The following FAM107B variants were observed in gnomAD, a reference collection of about 807,000 sequenced individuals.
The protein encoded by FAM107B is family with sequence similarity 107 member B, also known as protein FAM107B.
A neutral mutation model predicts 31.5 loss-of-function variants in FAM107B; 21 were observed. That is an observed-to-expected ratio of 0.67 (90% CI 0.47 to 0.96). FAM107B has a LOEUF of 0.96. FAM107B is among the 40% of genes least tolerant of loss of function. FAM107B has a pLI of 0.00. For synonymous variants in FAM107B, 157 were observed against 141.5 expected (o/e 1.11, Z -0.78); for missense variants, 452 against 377.1 (o/e 1.20, Z -1.64).
intron 1 of FAM107B, among the ~76,000 whole-genome samples, chr10:14,668,245 A>G (rs1314376629): frequency 2.0e-5 from 3 of 151,938 alleles, no homozygotes; most frequent in African/African-American, 7.3e-5. Context: ...GGGTTTCACC[A>G]TGTTGGCCAG....
chr10:14,736,442 CTGTT>C (rs771223173), intron 1 of FAM107B, among the ~76,000 whole-genome samples: 21 of 152,228 alleles, frequency 1.4e-4, no homozygotes, highest in Admixed American at 2.6e-4. Flanking sequence ...ACAAGCCAAA[CTGTT>C]TGGGATGGCT....
chr10:14,582,619 T>C (rs1014258761), intron 2 of FAM107B, among the ~76,000 whole-genome samples: 7 of 152,068 alleles, frequency 4.6e-5, no homozygotes, highest in South Asian at 4.2e-4. Context: ...CCTTGTGATC[T>C]GCCCCCCTCG....
At chr10:14,584,518 G>C (rs1022993127) in intron 2 of FAM107B, among the ~76,000 whole-genome samples, 3 of 152,208 alleles carry the variant, frequency 2.0e-5, no homozygotes, top group African/African-American at 7.2e-5. Flanking sequence ...AAATAAAATA[G>C]TTGGTGCAGA....
rs1233241042 is a variant in FAM107B at position 14,521,964 on chromosome 10, G to C, written c.709C>G (p.Arg237Gly). ...ELQKVMEKRKRDQVIKQKEEE... is the reference protein window; with the variant it reads ...ELQKVMEKRKGDQVIKQKEEE... Reference sequence around the variant, plus strand: ...TCCTTCTGCTTTATTACTTGGTCTCGTTTTCTTTTTTCCATCACCTTCTGC... The same window carrying C: ...TCCTTCTGCTTTATTACTTGGTCTCCTTTTCTTTTTTCCATCACCTTCTGC... The change falls in exon 4 of 5, where the codon CGA (arginine) becomes GGA (glycine). Residue 237 changes from arginine to glycine, a missense_variant. Physicochemically the swap from Arg to Gly is moderately radical, Grantham distance 125 (BLOSUM62 -2). Transcript: ENST00000181796. The C allele has an allele frequency of 6.2e-7, 1 of 1,613,910 alleles. No homozygotes were observed. Among genetic ancestry groups the C allele is most frequent in the Non-Finnish European group, 8.5e-7 (1 of 1,179,980 alleles).
In FAM107B at chr10:14,600,914, C is replaced by T. The variant is rs186675619; in HGVS notation, c.469+66720G>A. 6.6e-5 allele frequency among the ~76,000 whole-genome samples: 10 copies of T among 152,198 alleles called. No individual in the cohort carries two copies. The East Asian group carries it at 1.9e-3, about 29-fold the overall frequency. On this transcript the variant is annotated intron_variant, in intron 2 of 4. Coordinates refer to ENST00000181796, the MANE Select transcript of FAM107B (RefSeq NM_031453.4). ...CCTCAGCCTCCTGAGTAGCTTCAAC[C>T]ACAGGAGCGCGCTGCCACACCCAGC...
intron 1 of FAM107B, among the ~76,000 whole-genome samples, chr10:14,705,359 G>T (rs1437179704): frequency 6.6e-6 from 1 of 152,054 alleles, no homozygotes; most frequent in Non-Finnish European, 1.5e-5. Context: ...TTAGACTTCT[G>T]CATATTGACC....
intron 2 of FAM107B, among the ~76,000 whole-genome samples, chr10:14,552,846 TC>T (rs1316899401): frequency 6.6e-6 from 1 of 152,084 alleles, no homozygotes; most frequent in Non-Finnish European, 1.5e-5. Flanking sequence ...TTATTTCACT[TC>T]GTTGTAATGC....
intron 1 of FAM107B, among the ~76,000 whole-genome samples, chr10:14,735,573 G>C (rs192394887): frequency 6.6e-6 from 1 of 152,260 alleles, no homozygotes; most frequent in East Asian, 1.9e-4. Flanking sequence ...AGAACATTTA[G>C]GACAAAAGAT....
At chr10:14,593,067 A>C (rs1453620977) in intron 2 of FAM107B, among the ~76,000 whole-genome samples, 1 of 152,212 alleles carries the variant, frequency 6.6e-6, no homozygotes, top group Non-Finnish European at 1.5e-5. Flanking sequence ...TATTTTAAAA[A>C]ATGGCAGACT....
rs371323643 is a variant in FAM107B, at chr10:14,774,353, G to T, written c.311C>A (p.Thr104Lys). ...SHRTAAQPAE[T>K]PEDVPGSLDD... ...CAGGGACCCGGGCACATCTTCAGGC[G>T]TCTCCGCGGGCTGGGCCGCAGTGCG... Residue 104 changes from threonine to lysine, a missense_variant, in exon 1 of 5, where the codon ACG becomes AAG. Physicochemically the swap from Thr to Lys is moderately conservative, Grantham distance 78. Coordinates refer to ENST00000181796, the MANE Select transcript of FAM107B (RefSeq NM_031453.4). 1.2e-6 allele frequency: 2 copies of T among 1,614,164 alleles called. No individual in the cohort carries two copies. Among genetic ancestry groups the T allele is most frequent in the East Asian group, 2.2e-5 (1 of 44,876 alleles).
chr10:14,568,585 A>G (rs76418911), intron 2 of FAM107B, among the ~76,000 whole-genome samples: 1 of 123,204 alleles, frequency 8.1e-6, no homozygotes, highest in South Asian at 2.8e-4. Flanking sequence ...TGATGATCTC[A>G]GGGTTAGACC....
Position 14,667,724 on chromosome 10 carries a change from G to A in FAM107B, c.412-33C>T, listed in dbSNP as rs1854442640. ...CCAGCCCCATAAACCAGAAAAGCAG[G>A]GAGAAAGTAAAAATATGCATTAATG... On this transcript the variant is annotated intron_variant, in intron 1 of 4. Coordinates refer to ENST00000181796, the MANE Select transcript of FAM107B (RefSeq NM_031453.4). 5 of 1,611,816 alleles carry A rather than the reference G, an allele frequency of 3.1e-6. No homozygotes were observed. The East Asian group carries it at 6.7e-5, about 22-fold the overall frequency.
chr10:14,771,971 C>T (rs1197295960), intron 1 of FAM107B, among the ~76,000 whole-genome samples: 1 of 152,170 alleles, frequency 6.6e-6, no homozygotes, highest in Non-Finnish European at 1.5e-5. Flanking sequence ...GGTTCCAGTC[C>T]TGTCTCTGCC....
chr10:14,766,005 AG>A (rs1206298805), intron 1 of FAM107B, among the ~76,000 whole-genome samples: 2 of 152,178 alleles, frequency 1.3e-5, no homozygotes, highest in Non-Finnish European at 2.9e-5. Context: ...TAGGCTTCCA[AG>A]CAGCACTGAC....
chr10:14,699,994 G>A (rs569538458), intron 1 of FAM107B, among the ~76,000 whole-genome samples: 3 of 152,166 alleles, frequency 2.0e-5, no homozygotes, highest in East Asian at 1.9e-4. Flanking sequence ...ATGCAGTGGC[G>A]CAATCTCAGC....
At chr10:14,629,308 A>ATT (rs72173409) in intron 2 of FAM107B, among the ~76,000 whole-genome samples, 43,678 of 103,992 alleles carry the variant, frequency 0.42, 10,805 homozygotes, top group East Asian at 0.65. Context: ...TAAATATATA[A>ATT]TATATATAAT....
At chr10:14,697,932 C>A (rs919220796) in intron 1 of FAM107B, among the ~76,000 whole-genome samples, 41 of 152,140 alleles carry the variant, frequency 2.7e-4, no homozygotes, top group Admixed American at 2.7e-3. Context: ...TGAGGCCAGC[C>A]TGGCCAACAT....
chr10:14,716,290 C>T (rs1855777365), intron 1 of FAM107B, among the ~76,000 whole-genome samples: 2 of 152,154 alleles, frequency 1.3e-5, no homozygotes, highest in South Asian at 2.1e-4. Context: ...AAGATGTTGG[C>T]CAGGACCATG....
chr10:14,555,376 T>C (rs1301974852), intron 2 of FAM107B, among the ~76,000 whole-genome samples: 3 of 152,190 alleles, frequency 2.0e-5, no homozygotes, highest in African/African-American at 7.2e-5. Context: ...AAAAGCAGAC[T>C]TACAAAGACA....
Sources: allele counts gnomAD v4.1 joint callset (sites outside exome capture counted in the v4.1 genomes callset), GRCh38; gene constraint gnomAD v4.1.1; transcripts MANE v1.5; gene names NCBI Gene and HGNC (gene_info 2026-07-23, HGNC 2026-07-21).